Variants in C1QTNF1 observed in about 807,000 individuals in gnomAD.
C1QTNF1 encodes the protein complement C1q tumor necrosis factor-related protein 1.
Under a neutral mutation model 27.8 loss-of-function variants are expected in C1QTNF1, and 22 were observed. The ratio of observed to expected loss-of-function variants is 0.79; its 90% confidence interval spans 0.56 to 1.13. C1QTNF1 has a LOEUF of 1.13. Among genes scored for constraint, C1QTNF1 ranks in the 50% most tolerant of loss-of-function variants. The pLI is 0.00. For synonymous variants in C1QTNF1, 166 were observed against 154.3 expected (o/e 1.08, Z -0.56); for missense variants, 373 against 380.2 (o/e 0.98, Z 0.16).
intron 1 of C1QTNF1, among the ~76,000 whole-genome samples, chr17:79,032,323 G>A (rs902394743): frequency 6.6e-6 from 1 of 152,314 alleles, no homozygotes; most frequent in Non-Finnish European, 1.5e-5. Context: ...GCCAGAGGAC[G>A]AGACCTCAAG....
rs1568071763 is a variant in C1QTNF1 at position 79,046,018 on chromosome 17, A to G, written c.156-537A>G. ...CAAGAAGAGCCACAAGCCAGAGCAC[A>G]TGTGATGCCATGAGGGGCCGCGAGG... is the stretch of plus-strand genomic sequence containing the variant. On this transcript the variant is annotated intron_variant, in intron 2 of 3. Transcript: ENST00000579760. This position sits in a 1 kb window ranked among gnomAD's most constrained non-coding sequence, Gnocchi z 4.8. 6.6e-6 allele frequency among the ~76,000 whole-genome samples: 1 copy of G among 152,276 alleles called. No individual in the cohort carries two copies. Among genetic ancestry groups the G allele is most frequent in the African/African-American group, 2.4e-5 (1 of 41,554 alleles).
At chr17:79,040,100 C>A (rs1277073745) in intron 1 of C1QTNF1, among the ~76,000 whole-genome samples, 1 of 152,090 alleles carries the variant, frequency 6.6e-6, no homozygotes. Flanking sequence ...ACGTCCCAGC[C>A]CTGGAGGAGG....
intron 1 of C1QTNF1, among the ~76,000 whole-genome samples, chr17:79,035,827 G>T (rs2072252619): frequency 6.6e-6 from 1 of 152,188 alleles, no homozygotes; most frequent in Non-Finnish European, 1.5e-5. Flanking sequence ...GGGGGCGGGG[G>T]CAATGTCTAG....
In C1QTNF1 at chr17:79,044,044, C is replaced by T. The variant is rs763838151; in HGVS notation, c.76C>T (p.Arg26Cys). Residue 26 changes from arginine (R) to cysteine (C), a missense_variant, in exon 2 of 4, where the codon CGT becomes TGT. Transcript: ENST00000579760. Reference protein sequence around the residue: ...LAFASGLVLSRVPHVQGEQQE... With the variant: ...LAFASGLVLSCVPHVQGEQQE... ...CTTTGCCTCTGGCCTGGTCCTGAGT[C>T]GTGTGCCCCATGTCCAGGGGGAACA... The T allele has an allele frequency of 9.9e-6, 16 of 1,613,796 alleles. No homozygotes were observed. The highest frequency in any genetic ancestry group is 4.5e-5 in the East Asian group (2 of 44,884).
chr17:79,023,393 T>C (rs1350228628), upstream of C1QTNF1, among the ~76,000 whole-genome samples: 2 of 152,098 alleles, frequency 1.3e-5, no homozygotes, highest in Non-Finnish European at 2.9e-5. Context: ...GGAGACTGGG[T>C]CCCAACCAGG....
intron 1 of C1QTNF1, among the ~76,000 whole-genome samples, chr17:79,037,362 C>T (rs1414551560): frequency 6.6e-6 from 1 of 152,184 alleles, no homozygotes; most frequent in African/African-American, 2.4e-5. Flanking sequence ...ATCTCCCGAC[C>T]TCGTGATCCA....
At position 79,048,331 on chromosome 17, in the gene C1QTNF1, T is replaced by C. The variant is rs1313737558; in HGVS notation, c.*243T>C. On this transcript the variant is annotated 3_prime_UTR_variant, in exon 4 of 4. Transcript: ENST00000579760. The stretch of plus-strand genomic sequence containing the variant: ...AACCCTCTGGGACCTTCCGCGGCCC[T>C]CTCTGCACACATCCTCAAGTGACCC... 4 of 471,542 alleles carry C rather than the reference T, an allele frequency of 8.5e-6. No individual in the cohort carries two copies. Among genetic ancestry groups the C allele is most frequent in the Non-Finnish European group, 1.5e-5 (4 of 271,942 alleles). 29.2% of individuals were successfully genotyped at this position (471,542 alleles called of 1,614,324 possible). A position where few individuals can be genotyped will look rare whatever the true frequency, so the allele number is the denominator to read the frequency against.
chr17:79,032,187 G>A (rs1246312424), intron 1 of C1QTNF1, among the ~76,000 whole-genome samples: 1 of 152,168 alleles, frequency 6.6e-6, no homozygotes, highest in Non-Finnish European at 1.5e-5. Context: ...CTGGGGGAGG[G>A]GCACCTACAG....
upstream of C1QTNF1, among the ~76,000 whole-genome samples, chr17:79,023,589 C>G (rs1009146280): frequency 7.2e-4 from 110 of 152,238 alleles, no homozygotes; most frequent in Admixed American, 9.2e-4. Context: ...GTGCTGTTCT[C>G]TAGAAAATGG....
intron 3 of C1QTNF1, 108 bp from the exon 4 acceptor site, chr17:79,047,430 C>T: frequency 8.7e-7 from 1 of 1,153,640 alleles, no homozygotes; most frequent in Non-Finnish European, 1.2e-6. Context: ...CAGGTCAGGG[C>T]TGTGAGGACG....
chr17:79,024,639 G>A (rs1188593955), intron 1 of C1QTNF1, 145 bp downstream of exon 1: 3 of 152,500 alleles, frequency 2.0e-5, no homozygotes, highest in African/African-American at 7.2e-5. Flanking sequence ...GGCGGCGCAG[G>A]GGCGGAAAGA....
intron 3 of C1QTNF1, chr17:79,047,246 T>TCTTTTC (rs1371005994): frequency 7.2e-5 from 26 of 359,258 alleles, no homozygotes; most frequent in African/African-American, 4.4e-4. Flanking sequence ...TTCTTTTTTT[T>TCTTTTC]TTTTTTTACC....
At chr17:79,041,332 T>A (rs1425072318) in intron 1 of C1QTNF1, among the ~76,000 whole-genome samples, 1 of 152,050 alleles carries the variant, frequency 6.6e-6, no homozygotes, top group Non-Finnish European at 1.5e-5. Flanking sequence ...TAGGTATGTG[T>A]GACAGGGGAG....
chr17:79,034,578 G>C (rs1049407429), intron 1 of C1QTNF1: 3 of 152,292 alleles, frequency 2.0e-5, no homozygotes, highest in South Asian at 4.1e-4. Context: ...AGATGGGAGG[G>C]AGATGCTTTA....
intron 1 of C1QTNF1, among the ~76,000 whole-genome samples, chr17:79,033,220 T>C (rs1222824696): frequency 6.6e-6 from 1 of 152,178 alleles, no homozygotes; most frequent in Non-Finnish European, 1.5e-5. Flanking sequence ...TGGCAGCTGC[T>C]AGTCACGTGA....
intron 1 of C1QTNF1, among the ~76,000 whole-genome samples, chr17:79,041,018 G>C (rs987756458): frequency 7.9e-5 from 12 of 152,186 alleles, no homozygotes; most frequent in African/African-American, 2.9e-4. Context: ...ATCCGTGATG[G>C]GATAAAAATT....
intron 1 of C1QTNF1, among the ~76,000 whole-genome samples, chr17:79,035,843 G>T (rs2072253332): frequency 1.3e-5 from 2 of 152,176 alleles, no homozygotes; most frequent in African/African-American, 4.8e-5. Flanking sequence ...TCTAGACCCT[G>T]GAAAAGGCAG....
At chr17:79,045,116 G>A (rs1185401854) in intron 2 of C1QTNF1, among the ~76,000 whole-genome samples, 1 of 152,176 alleles carries the variant, frequency 6.6e-6, no homozygotes, top group Non-Finnish European at 1.5e-5. Context: ...AGGAGAGGGA[G>A]GAGCGGGTCC....
At chr17:79,037,450 G>T (rs1275802451) in intron 1 of C1QTNF1, among the ~76,000 whole-genome samples, 1 of 151,472 alleles carries the variant, frequency 6.6e-6, no homozygotes, top group Admixed American at 6.6e-5. Flanking sequence ...TTTTACTAGA[G>T]ACAGGGATTT....
Sources: allele counts gnomAD v4.1 joint callset (sites outside exome capture counted in the v4.1 genomes callset), GRCh38; gene constraint gnomAD v4.1.1; non-coding constraint Gnocchi (gnomAD v3.1); transcripts MANE v1.5; gene names NCBI Gene and HGNC (gene_info 2026-07-23, HGNC 2026-07-21).